The following KCNN2 variants were observed in gnomAD, a reference collection of about 807,000 sequenced individuals.
KCNN2 encodes small conductance calcium-activated potassium channel protein 2.
Under a neutral mutation model 55.5 loss-of-function variants are expected in KCNN2, and 24 were observed. The ratio of observed to expected loss-of-function variants is 0.43; its 90% CI spans 0.31 to 0.61. The LOEUF (loss-of-function observed/expected upper bound fraction) is 0.61, where lower values mean the gene tolerates loss of function less well. Ranked by LOEUF, KCNN2 falls within the 20% of genes least tolerant of loss-of-function variation. The pLI is 0.08. For synonymous variants in KCNN2, 431 were observed against 336.1 expected (o/e 1.28, Z -3.09); for missense variants, 754 against 853.6 (o/e 0.88, Z 1.45).
rs78536130 is a variant in KCNN2 at position 114,455,239 on chromosome 5, G to A, written c.1638-7810G>A. On this transcript the variant is annotated intron_variant, in intron 3 of 7. Coordinates refer to ENST00000673685, the MANE Select transcript of KCNN2 (RefSeq NM_021614.4). Reference sequence around the variant, plus strand: ...GGCGATCAGCATCATTTTTTCCATAGCACATGCTCAGTTGGTGTCTTTGTG... The same window carrying A: ...GGCGATCAGCATCATTTTTTCCATAACACATGCTCAGTTGGTGTCTTTGTG... Among the ~76,000 whole-genome samples the A allele has an allele frequency of 1.9e-3, 289 of 152,212 alleles. 2 individuals are homozygous for A. The highest frequency in any genetic ancestry group is 6.7e-3 in the African/African-American group (278 of 41,542).
At chr5:114,384,700 T>A (rs1049188985) in intron 2 of KCNN2, among the ~76,000 whole-genome samples, 2 of 152,182 alleles carry the variant, frequency 1.3e-5, no homozygotes, top group Admixed American at 1.3e-4. Flanking sequence ...GTAGGTTTTT[T>A]CTCAGATGCC....
intron 1 of KCNN2, among the ~76,000 whole-genome samples, chr5:114,106,885 C>A (rs1472170274): frequency 6.6e-6 from 1 of 151,914 alleles, no homozygotes; most frequent in Non-Finnish European, 1.5e-5. Flanking sequence ...TAATGAGGTC[C>A]AAGTTATCAA....
At chr5:114,437,450 G>T (rs1244152627) in intron 3 of KCNN2, among the ~76,000 whole-genome samples, 1 of 152,108 alleles carries the variant, frequency 6.6e-6, no homozygotes, top group African/African-American at 2.4e-5. Context: ...AGGGGAAAAA[G>T]CTAATTTAGT....
At chr5:114,223,630 A>T (rs1301127135) in intron 2 of KCNN2, among the ~76,000 whole-genome samples, 1 of 152,226 alleles carries the variant, frequency 6.6e-6, no homozygotes, top group Non-Finnish European at 1.5e-5. Flanking sequence ...TTTAATACAA[A>T]GAATTGTCAG....
At chr5:114,232,227 G>A (rs10053690) in intron 2 of KCNN2, among the ~76,000 whole-genome samples, 116,518 of 150,398 alleles carry the variant, frequency 0.77, 46,613 homozygotes, top group East Asian at 0.9. Context: ...AGGATTAATG[G>A]TCTCGTCTGA....
At chr5:114,484,738 A>G (rs1283732538) in intron 5 of KCNN2, among the ~76,000 whole-genome samples, 1 of 152,216 alleles carries the variant, frequency 6.6e-6, no homozygotes, top group Non-Finnish European at 1.5e-5. Context: ...TAGCAGTTAA[A>G]TATGATGCCT....
At chr5:114,077,023 AG>A (rs1750697837) in intron 1 of KCNN2, among the ~76,000 whole-genome samples, 1 of 152,118 alleles carries the variant, frequency 6.6e-6, no homozygotes, top group African/African-American at 2.4e-5. Flanking sequence ...ATAAATGAAA[AG>A]CCTAAGGTAT....
chr5:114,361,984 T>C (rs1757435305), upstream of KCNN2: 1 of 153,026 alleles, frequency 6.5e-6, no homozygotes, highest in South Asian at 2.1e-4. Context: ...GCCCATTGTT[T>C]TGGTGCGCCC....
intron 2 of KCNN2, among the ~76,000 whole-genome samples, chr5:114,382,726 A>C (rs1218554555): frequency 1.3e-5 from 2 of 152,206 alleles, no homozygotes; most frequent in Non-Finnish European, 2.9e-5. Context: ...GCCACAAAAT[A>C]AACTTTCTAC....
chr5:114,493,162 G>C (rs941609820), intron 6 of KCNN2, among the ~76,000 whole-genome samples: 3 of 152,042 alleles, frequency 2.0e-5, no homozygotes, highest in Non-Finnish European at 2.9e-5. Context: ...ACTTTACCTG[G>C]TAAATAGTTG....
At position 114,396,419 on chromosome 5, in the gene KCNN2, G is replaced by A. The variant is rs187547345; in HGVS notation, c.1219-8019G>A. 9.2e-5 allele frequency among the ~76,000 whole-genome samples: 14 copies of A among 152,208 alleles called. No individual in the cohort carries two copies. The East Asian group carries it at 2.5e-3, about 27-fold the overall frequency. ...AACTTTATGTGTGCCTCTATTAAAT[G>A]GATATTTTTAAACTTTTATTTTGGT... On this transcript the variant is annotated intron_variant, in intron 2 of 7. Coordinates refer to ENST00000673685, the MANE Select transcript of KCNN2 (RefSeq NM_021614.4).
chr5:114,152,488 G>A (rs1752548340), intron 1 of KCNN2, among the ~76,000 whole-genome samples: 1 of 152,136 alleles, frequency 6.6e-6, no homozygotes, highest in African/African-American at 2.4e-5. Flanking sequence ...TGTACAATAG[G>A]TGTGCTCTTC....
intron 1 of KCNN2, among the ~76,000 whole-genome samples, chr5:114,130,591 C>T (rs915563055): frequency 6.6e-6 from 1 of 152,174 alleles, no homozygotes; most frequent in Admixed American, 6.5e-5. Flanking sequence ...TTTACTGCCA[C>T]CTCTTACTTG....
At chr5:114,483,760 AACAAAGATCCTT>A (rs1248564486) in intron 5 of KCNN2, among the ~76,000 whole-genome samples, 1 of 150,202 alleles carries the variant, frequency 6.7e-6, no homozygotes, top group East Asian at 2.0e-4. Flanking sequence ...TGTTCCTGTT[AACAAAGATCCTT>A]CCCCCCACTT....
At chr5:114,339,679 T>C (rs1035987813) in intron 2 of KCNN2, among the ~76,000 whole-genome samples, 7 of 151,986 alleles carry the variant, frequency 4.6e-5, no homozygotes, top group African/African-American at 1.7e-4. Context: ...GGTGTATGCC[T>C]ATAGTCCCAG....
intron 3 of KCNN2, among the ~76,000 whole-genome samples, chr5:114,407,804 A>G (rs914793904): frequency 6.6e-6 from 1 of 152,186 alleles, no homozygotes; most frequent in African/African-American, 2.4e-5. Flanking sequence ...CTATGCAAGC[A>G]TTTGCTTGTT....
At chr5:114,468,669 G>T (rs1398322044) in intron 4 of KCNN2, among the ~76,000 whole-genome samples, 1 of 152,074 alleles carries the variant, frequency 6.6e-6, no homozygotes, top group Non-Finnish European at 1.5e-5. Context: ...TTTTTTATCA[G>T]AGCCATTCTC....
intron 1 of KCNN2, among the ~76,000 whole-genome samples, chr5:114,211,281 T>C (rs1241918545): frequency 6.6e-6 from 1 of 152,108 alleles, no homozygotes; most frequent in African/African-American, 2.4e-5. Context: ...TGCAGCAATA[T>C]TTACAATAGC....
intron 2 of KCNN2, among the ~76,000 whole-genome samples, chr5:114,322,043 G>A (rs1013707282): frequency 1.3e-5 from 2 of 152,158 alleles, no homozygotes; most frequent in African/African-American, 2.4e-5. Context: ...CAGCTTAGAA[G>A]TTTTCAATAA....
Sources: gnomAD v4.1 joint callset for allele counts (sites outside exome capture counted in the v4.1 genomes callset) on GRCh38, gnomAD v4.1.1 for gene constraint, MANE v1.5 for transcripts, NCBI Gene and HGNC (gene_info 2026-07-23, HGNC 2026-07-21) for gene names.